The following COL25A1 variants were observed in gnomAD, a reference collection of about 807,000 sequenced individuals.
COL25A1 encodes collagen type XXV alpha 1 chain.
A neutral mutation model predicts 128.4 loss-of-function variants in COL25A1; 103 were observed. That is an observed-to-expected ratio of 0.80 (90% CI 0.68 to 0.94). The LOEUF (loss-of-function observed/expected upper bound fraction) is 0.94, where lower values mean the gene tolerates loss of function less well. Ranked by LOEUF, COL25A1 falls within the 40% of genes least tolerant of loss-of-function variation. The probability of loss-of-function intolerance (pLI) is 0.00; values close to 1 mark genes in which losing one functional copy is unlikely to be tolerated. For missense variants in COL25A1, 745 were observed against 840.0 expected (o/e 0.89, Z 1.40); for synonymous variants, 279 against 277.2 (o/e 1.01, Z -0.06).
intron 6 of COL25A1, among the ~76,000 whole-genome samples, chr4:108,977,612 C>T (rs1469771897): frequency 6.6e-6 from 1 of 152,114 alleles, no homozygotes; most frequent in Non-Finnish European, 1.5e-5. Context: ...ATTTAAGTAG[C>T]ATGTTAGTTA....
At chr4:109,087,557 T>A (rs1471462777) in intron 3 of COL25A1, among the ~76,000 whole-genome samples, 3 of 152,202 alleles carry the variant, frequency 2.0e-5, no homozygotes, top group Non-Finnish European at 4.4e-5. Context: ...TGATGACCCT[T>A]GCTTCATATC....
intron 19 of COL25A1, among the ~76,000 whole-genome samples, chr4:108,882,373 G>A (rs1409514921): frequency 4.6e-5 from 7 of 151,552 alleles, no homozygotes; most frequent in Admixed American, 1.3e-4. Context: ...TTCAAAGCAC[G>A]GAGGTTCCTG....
At chr4:108,962,741 A>T (rs1578905288) in intron 8 of COL25A1, among the ~76,000 whole-genome samples, 1 of 151,946 alleles carries the variant, frequency 6.6e-6, no homozygotes, top group Non-Finnish European at 1.5e-5. Context: ...TATTATTACT[A>T]TTGTCTATGT....
chr4:108,892,462 A>G (rs901260377), intron 16 of COL25A1, among the ~76,000 whole-genome samples: 7 of 152,234 alleles, frequency 4.6e-5, no homozygotes, highest in African/African-American at 1.7e-4. Flanking sequence ...AATTCATTCA[A>G]CAAATACTTA....
At chr4:109,237,738 T>C (rs1366076455) in intron 3 of COL25A1, among the ~76,000 whole-genome samples, 1 of 151,996 alleles carries the variant, frequency 6.6e-6, no homozygotes, top group Non-Finnish European at 1.5e-5. Context: ...TATACTCATA[T>C]TGTTGTACAA....
intron 3 of COL25A1, among the ~76,000 whole-genome samples, chr4:109,076,087 T>C (rs1445195840): frequency 6.6e-6 from 1 of 152,202 alleles, no homozygotes; most frequent in Non-Finnish European, 1.5e-5. Context: ...GATGATTTAA[T>C]GTGTAAGGGA....
At chr4:109,239,420 A>T (rs28692747) in intron 3 of COL25A1, among the ~76,000 whole-genome samples, 20,557 of 124,008 alleles carry the variant, frequency 0.17, 3,025 homozygotes, top group African/African-American at 0.39. Flanking sequence ...ATATATATAT[A>T]TATTTATTTA....
At chr4:109,097,662 A>AATT (rs1553931885) in intron 3 of COL25A1, among the ~76,000 whole-genome samples, 2 of 124,626 alleles carry the variant, frequency 1.6e-5, no homozygotes, top group East Asian at 4.9e-4. Context: ...GTAAACATCA[A>AATT]TTTTTTTTTT....
chr4:108,839,835 G>A (rs1349544178), intron 31 of COL25A1, among the ~76,000 whole-genome samples: 1 of 151,862 alleles, frequency 6.6e-6, no homozygotes, highest in Non-Finnish European at 1.5e-5. Context: ...AAGCATCTTG[G>A]GCATCTCCTA....
chr4:109,110,012 A>T (rs552900979), intron 3 of COL25A1, among the ~76,000 whole-genome samples: 2 of 152,330 alleles, frequency 1.3e-5, no homozygotes, highest in South Asian at 4.1e-4. Context: ...TCTCACAAAA[A>T]TACAAACACC....
intron 13 of COL25A1, among the ~76,000 whole-genome samples, chr4:108,902,741 A>G (rs558108159): frequency 1.4e-4 from 22 of 152,126 alleles, no homozygotes; most frequent in Non-Finnish European, 2.7e-4. Flanking sequence ...GTCACACTGT[A>G]ATTGTAACTC....
chr4:109,006,985 T>C (rs960553360), intron 6 of COL25A1, among the ~76,000 whole-genome samples: 9 of 152,326 alleles, frequency 5.9e-5, no homozygotes, highest in African/African-American at 2.2e-4. Flanking sequence ...TCAGACGATC[T>C]GTGCTGTAAA....
chr4:108,975,635 G>A (rs1752361351), intron 6 of COL25A1, among the ~76,000 whole-genome samples: 1 of 152,140 alleles, frequency 6.6e-6, no homozygotes, highest in Non-Finnish European at 1.5e-5. Context: ...CATCAGCGAT[G>A]TATAGAATTT....
chr4:109,254,518 T>C (rs529997615), intron 3 of COL25A1, among the ~76,000 whole-genome samples: 16 of 140,642 alleles, frequency 1.1e-4, no homozygotes, highest in Admixed American at 3.6e-4. Flanking sequence ...TATGTGTGTA[T>C]ATACATATAC....
At position 109,036,361 on chromosome 4, in the gene COL25A1, C is replaced by T. The variant is rs145500183; in HGVS notation, c.420+11807G>A. On this transcript the variant is annotated intron_variant, in intron 5 of 37. Transcript: ENST00000399132. ...AAGGAATAAATTCTCATTTTCCACA[C>T]GACTTTCAAACTAGTAAACAATACA... Among the ~76,000 whole-genome samples, 16 of 152,286 alleles carry T rather than the reference C, an allele frequency of 1.1e-4. No homozygotes were observed. The East Asian group carries it at 1.5e-3, about 15-fold the overall frequency.
intron 3 of COL25A1, among the ~76,000 whole-genome samples, chr4:109,065,565 T>C (rs1340445998): frequency 4.0e-5 from 6 of 151,724 alleles, no homozygotes; most frequent in African/African-American, 1.2e-4. Flanking sequence ...TGTGTGTGTG[T>C]GTGTGTGTGT....
intron 3 of COL25A1, among the ~76,000 whole-genome samples, chr4:109,243,445 A>T (rs898980590): frequency 3.3e-5 from 5 of 152,040 alleles, no homozygotes; most frequent in Non-Finnish European, 7.4e-5. Flanking sequence ...TTTTTTTTTT[A>T]AATCCATACC....
intron 3 of COL25A1, among the ~76,000 whole-genome samples, chr4:109,109,107 CTTTT>C (rs1057382978): frequency 8.6e-5 from 13 of 151,998 alleles, no homozygotes; most frequent in East Asian, 3.9e-4. Flanking sequence ...TTCTTTCTTT[CTTTT>C]GACAGAGACT....
At chr4:109,144,315 G>C (rs1008360466) in intron 3 of COL25A1, among the ~76,000 whole-genome samples, 1 of 152,206 alleles carries the variant, frequency 6.6e-6, no homozygotes, top group Non-Finnish European at 1.5e-5. Context: ...GAGCTCTCCT[G>C]TATGATTTGT....
Sources: gnomAD v4.1 joint callset for allele counts (sites outside exome capture counted in the v4.1 genomes callset) on GRCh38, gnomAD v4.1.1 for gene constraint, MANE v1.5 for transcripts, NCBI Gene and HGNC (gene_info 2026-07-23, HGNC 2026-07-21) for gene names.